Variants in TMEM181 observed in about 807,000 individuals in gnomAD.
TMEM181 encodes G protein-coupled receptor 178.
Under a neutral mutation model 71.9 loss-of-function variants are expected in TMEM181, and 39 were observed. The observed-to-expected ratio is 0.54, with a 90% CI of 0.42 to 0.71. The LOEUF (loss-of-function observed/expected upper bound fraction) is 0.71, where lower values mean the gene tolerates loss of function less well. TMEM181 is among the 30% of genes least tolerant of loss of function. The pLI is 0.00. For synonymous variants in TMEM181, 245 were observed against 228.8 expected, an observed-to-expected ratio of 1.07 and a Z score of -0.64; for missense variants, 595 against 583.0, an observed-to-expected ratio of 1.02 and a Z score of -0.21.
At chr6:158,605,083 C>T (rs1337505677) in intron 6 of TMEM181, among the ~76,000 whole-genome samples, 184 bp from the exon 7 acceptor site, 2 of 146,208 alleles carry the variant, frequency 1.4e-5, no homozygotes, top group African/African-American at 5.1e-5. Flanking sequence ...CACTTCACTC[C>T]GGCCTGGGCG....
intron 10 of TMEM181, among the ~76,000 whole-genome samples, chr6:158,616,969 C>CT (rs1210766916): frequency 6.6e-6 from 1 of 152,110 alleles, no homozygotes; most frequent in Non-Finnish European, 1.5e-5. Context: ...TCTGGCCAGG[C>CT]TTTGGTGTCA....
intron 1 of TMEM181, among the ~76,000 whole-genome samples, chr6:158,549,115 T>C (rs1305377918): frequency 1.4e-5 from 2 of 144,536 alleles, no homozygotes; most frequent in East Asian, 2.0e-4. Context: ...CACTTCTTTT[T>C]TTTTTTTTTT....
intron 5 of TMEM181, among the ~76,000 whole-genome samples, chr6:158,589,409 C>A (rs1482230733): frequency 6.6e-6 from 1 of 152,202 alleles, no homozygotes; most frequent in East Asian, 1.9e-4. Context: ...AACTTTCTTA[C>A]ACGGTGACTT....
chr6:158,598,095 T>C (rs1051905187), intron 6 of TMEM181, among the ~76,000 whole-genome samples: 5 of 152,238 alleles, frequency 3.3e-5, no homozygotes, highest in Admixed American at 1.3e-4. Context: ...GCTTACCTCC[T>C]GTGTTTTTTA....
chr6:158,538,034 A>G (rs1781191981), intron 1 of TMEM181, among the ~76,000 whole-genome samples: 1 of 152,130 alleles, frequency 6.6e-6, no homozygotes, highest in East Asian at 1.9e-4. Flanking sequence ...AGCCTCCTGG[A>G]AGACCTGAGG....
chr6:158,620,227 A>T lies in TMEM181; in HGVS notation c.897-3323A>T, dbSNP rs1225221464. The stretch of plus-strand genomic sequence containing the variant: ...GGTGAGAGGAGGCCCGGGGGGGTCT[A>T]TTTTTATTAGGCATCCCCAGACAAG... On this transcript the variant is annotated intron_variant, in intron 10 of 16. Transcript: ENST00000684151. This position sits in a 1 kb window ranked among gnomAD's most constrained non-coding sequence, Gnocchi z 4.5. Among the ~76,000 whole-genome samples the T allele has an allele frequency of 6.6e-6, 1 of 151,986 alleles. No homozygotes were observed. Among genetic ancestry groups the T allele is most frequent in the Non-Finnish European group, 1.5e-5 (1 of 67,988 alleles).
intron 6 of TMEM181, among the ~76,000 whole-genome samples, chr6:158,595,888 AC>A (rs1784363005): frequency 6.6e-6 from 1 of 151,874 alleles, no homozygotes; most frequent in Non-Finnish European, 1.5e-5. Flanking sequence ...CGTTCATTGA[AC>A]TGTAATTTAG....
At chr6:158,555,527 T>G (rs7746250), upstream of TMEM181, among the ~76,000 whole-genome samples, 39,219 of 151,966 alleles carry the variant, frequency 0.26, 5,182 homozygotes, top group Middle Eastern at 0.29. Flanking sequence ...AAAATAGAGA[T>G]AGAGAATTTA....
Position 158,605,278 on chromosome 6 carries a change from T to C in TMEM181, c.504T>C (p.Tyr168=), listed in dbSNP as rs774936549. The C allele has an allele frequency of 6.8e-6, 11 of 1,613,934 alleles. No homozygotes were observed. Among genetic ancestry groups the C allele is most frequent in the Admixed American group, 3.3e-5 (2 of 59,998 alleles). The change falls in exon 7 of 17, where the codon TAT becomes TAC. Residue 168 remains tyrosine (Y), a synonymous_variant. Transcript: ENST00000684151. ...ACTTTCTATTTTAGTGGAAGACTTATAACCCTGCCTTCTCCCGGTTGGAAA... is the reference window on the plus strand; with the variant it reads ...ACTTTCTATTTTAGTGGAAGACTTACAACCCTGCCTTCTCCCGGTTGGAAA... The part of the protein sequence containing the change: ...IKGMNFTWKT[Y]NPAFSRLEIW...
rs1296399468 is a variant in TMEM181, at chr6:158,634,480, T to C, written c.*2592T>C. The C allele has an allele frequency of 6.6e-6, 1 of 152,276 alleles. No homozygotes were observed. The highest frequency in any genetic ancestry group is 1.9e-4 in the East Asian group (1 of 5,176). 9.4% of individuals were successfully genotyped at this position (152,276 alleles called of 1,614,324 possible). Reference sequence around the variant, plus strand: ...GTAATGGCTTGAGTAACATCATCTTTGGGATTTTTTAAATACTGGTCCAGT... The same window carrying C: ...GTAATGGCTTGAGTAACATCATCTTCGGGATTTTTTAAATACTGGTCCAGT... On this transcript the variant is annotated 3_prime_UTR_variant, in exon 17 of 17. Transcript: ENST00000684151.
At chr6:158,607,599 G>A (rs749817686) in intron 8 of TMEM181, among the ~76,000 whole-genome samples, 99 of 152,314 alleles carry the variant, frequency 6.5e-4, no homozygotes, top group African/African-American at 2.3e-3. Flanking sequence ...GAGCCCAGGA[G>A]TCTGAGGCTG....
exon 1 of TMEM181, chr6:158,536,676 G>A (rs1781114042): frequency 6.6e-7 from 1 of 1,519,864 alleles, no homozygotes; most frequent in East Asian, 2.6e-5. Context: ...AAGAGAGGGG[G>A]CGCAGGCGGC....
At chr6:158,578,969 A>T (rs1181530225) in intron 2 of TMEM181, among the ~76,000 whole-genome samples, 8 of 152,264 alleles carry the variant, frequency 5.3e-5, no homozygotes, top group South Asian at 2.1e-4. Flanking sequence ...ATTTGAAAGC[A>T]GGGTCTTGGC....
At chr6:158,562,120 C>T (rs569998304) in intron 1 of TMEM181, among the ~76,000 whole-genome samples, 4 of 152,296 alleles carry the variant, frequency 2.6e-5, no homozygotes, top group African/African-American at 9.6e-5. Flanking sequence ...GACCGTCCCC[C>T]TGCAGACCCT....
chr6:158,558,476 G>T (rs560288506), upstream of TMEM181, among the ~76,000 whole-genome samples: 1 of 152,310 alleles, frequency 6.6e-6, no homozygotes, highest in East Asian at 1.9e-4. Flanking sequence ...GGACTTTGGG[G>T]CTGCAACGTG....
At chr6:158,556,719 G>A (rs1382928169), upstream of TMEM181, among the ~76,000 whole-genome samples, 3 of 152,070 alleles carry the variant, frequency 2.0e-5, no homozygotes, top group Admixed American at 6.6e-5. Flanking sequence ...ATTTATGCAC[G>A]AGAATCCTCT....
chr6:158,628,761 G>A (rs532345457), intron 14 of TMEM181, among the ~76,000 whole-genome samples: 3 of 152,362 alleles, frequency 2.0e-5, no homozygotes, highest in African/African-American at 7.2e-5. Context: ...AACCCAGAGA[G>A]GCTGGCGCTC....
intron 6 of TMEM181, among the ~76,000 whole-genome samples, chr6:158,598,916 C>CTCCCAAAGTGCTGGGAT (rs1390557763): frequency 6.6e-6 from 1 of 152,174 alleles, no homozygotes; most frequent in Non-Finnish European, 1.5e-5. Flanking sequence ...CTGCCTCGGC[C>CTCCCAAAGTGCTGGGAT]TCCCAAAGTG....
intron 15 of TMEM181, among the ~76,000 whole-genome samples, chr6:158,630,594 C>A (rs779786645): frequency 1.3e-5 from 2 of 152,042 alleles, no homozygotes; most frequent in Non-Finnish European, 2.9e-5. Context: ...CTGCAATGTT[C>A]GGTGCCTTAG....
Sources: allele counts gnomAD v4.1 joint callset (sites outside exome capture counted in the v4.1 genomes callset), GRCh38; gene constraint gnomAD v4.1.1; non-coding constraint Gnocchi (gnomAD v3.1); transcripts MANE v1.5; gene names NCBI Gene and HGNC (gene_info 2026-07-23, HGNC 2026-07-21).